FOXP4: variants seen among roughly 807,000 people sequenced by gnomAD.
The protein encoded by FOXP4 is forkhead box P4, also known as forkhead box protein P4.
FOXP4 carries 25 observed loss-of-function variants against 82.6 expected under a neutral mutation model. That is an observed-to-expected ratio of 0.30 (90% CI 0.22 to 0.42). The LOEUF is 0.42. Among genes scored for constraint, FOXP4 ranks in the 10% least tolerant of loss-of-function variants. The pLI, the probability that FOXP4 is intolerant of heterozygous loss-of-function variation, is 1.00. For synonymous variants in FOXP4, 415 were observed against 388.2 expected, an observed-to-expected ratio of 1.07 and a Z score of -0.81; for missense variants, 785 against 900.9, an observed-to-expected ratio of 0.87 and a Z score of 1.65.
chr6:41,579,067 G>A (rs1431768601), intron 3 of FOXP4, among the ~76,000 whole-genome samples: 1 of 152,134 alleles, frequency 6.6e-6, no homozygotes, highest in Non-Finnish European at 1.5e-5. Context: ...ACCAGGCTTT[G>A]TCCTGGGTGG....
chr6:41,591,737 A>G lies in FOXP4; in HGVS notation c.1536+415A>G, dbSNP rs1030932702. 1.3e-5 allele frequency among the ~76,000 whole-genome samples: 2 copies of G among 152,190 alleles called. No individual in the cohort carries two copies. Among genetic ancestry groups the G allele is most frequent in the African/African-American group, 4.8e-5 (2 of 41,446 alleles). On this transcript the variant is annotated intron_variant, in intron 13 of 16. Coordinates refer to ENST00000307972, the MANE Select transcript of FOXP4 (RefSeq NM_001012426.2). This position sits in a 1 kb window ranked among gnomAD's most constrained non-coding sequence, Gnocchi z 4.2. ...ATGTTCTGAAGCCTGAGGTGGGGCT[A>G]GGAAAGCGCAGGTATAGACACACGG...
Position 41,562,489 on chromosome 6 carries a change from G to GC in FOXP4, c.-16-3248dup, listed in dbSNP as rs575801323. Among the ~76,000 whole-genome samples, 252 of 151,698 alleles carry GC rather than the reference G, an allele frequency of 1.7e-3. 1 individual carries two copies. Among genetic ancestry groups the GC allele is most frequent in the East Asian group, 0.014 (72 of 5,166 alleles). The stretch of plus-strand genomic sequence containing the variant: ...TTGTTCACTGGGTGTTACTCTGTAT[G>GC]CCCCCCCCATAAAAAGAAAAGAAAG... On this transcript the variant is annotated intron_variant, in intron 1 of 16. Transcript: ENST00000307972.
At chr6:41,590,678 C>T (rs1438739526) in intron 12 of FOXP4, among the ~76,000 whole-genome samples, 3 of 152,170 alleles carry the variant, frequency 2.0e-5, no homozygotes, top group Non-Finnish European at 4.4e-5. Context: ...TCTTTCCTCC[C>T]TCAAGCCCAT....
chr6:41,555,478 A>G (rs1254519507), intron 1 of FOXP4, among the ~76,000 whole-genome samples: 3 of 152,202 alleles, frequency 2.0e-5, no homozygotes, highest in African/African-American at 7.2e-5. Flanking sequence ...TGGGCAGAAC[A>G]GCCAGGGGCC....
chr6:41,597,538 C>G (rs1201100794), intron 15 of FOXP4, among the ~76,000 whole-genome samples: 1 of 152,096 alleles, frequency 6.6e-6, no homozygotes, highest in Non-Finnish European at 1.5e-5. Flanking sequence ...GGGGATAAGC[C>G]AGGCCCAGGT....
chr6:41,585,631 G>T, intron 5 of FOXP4, 114 bp downstream of exon 5: 1 of 949,706 alleles, frequency 1.1e-6, no homozygotes, highest in Non-Finnish European at 1.6e-6. Flanking sequence ...TCTAGAAAAG[G>T]CTGAGGAAGG....
intron 1 of FOXP4, among the ~76,000 whole-genome samples, chr6:41,552,223 C>G (rs924999484): frequency 1.3e-5 from 2 of 152,184 alleles, no homozygotes; most frequent in African/African-American, 4.8e-5. Flanking sequence ...TGGCGGTGTA[C>G]TTCCTCCTTT....
chr6:41,592,184 C>G (rs890013410), intron 13 of FOXP4, among the ~76,000 whole-genome samples: 4 of 152,112 alleles, frequency 2.6e-5, no homozygotes, highest in Non-Finnish European at 2.9e-5. Flanking sequence ...ACTGAAGAAA[C>G]TGCAGTTAAA....
At chr6:41,572,494 G>A (rs1308642039) in intron 2 of FOXP4, among the ~76,000 whole-genome samples, 1 of 152,218 alleles carries the variant, frequency 6.6e-6, no homozygotes, top group Non-Finnish European at 1.5e-5. Context: ...TAAATTAATA[G>A]TCATGCTGTG....
In FOXP4 at chr6:41,597,851, G is replaced by T; in HGVS notation, c.1796G>T (p.Ser599Ile). The change falls in exon 16 of 17, where the codon AGC (serine) becomes ATC (isoleucine). Residue 599 changes from serine to isoleucine, a missense_variant. Coordinates refer to ENST00000307972, the MANE Select transcript of FOXP4 (RefSeq NM_001012426.2). ...ATGCTGAACCCTGGCTCCGCCAGCAGCCTGCTGCCCCTCAGCCACGATGAC... is the reference window on the plus strand; with the variant it reads ...ATGCTGAACCCTGGCTCCGCCAGCATCCTGCTGCCCCTCAGCCACGATGAC... ...PGMLNPGSASSLLPLSHDDVG... is the reference protein window; with the variant it reads ...PGMLNPGSASILLPLSHDDVG... The T allele has an allele frequency of 6.2e-7, 1 of 1,602,422 alleles. No individual in the cohort carries two copies.
chr6:41,579,145 G>A (rs1372726737), intron 3 of FOXP4, among the ~76,000 whole-genome samples: 1 of 152,088 alleles, frequency 6.6e-6, no homozygotes, highest in Non-Finnish European at 1.5e-5. Context: ...AAAGTTCAAG[G>A]TGCCCAACAG....
At chr6:41,561,571 T>TG (rs1764582378) in intron 1 of FOXP4, among the ~76,000 whole-genome samples, 1 of 151,992 alleles carries the variant, frequency 6.6e-6, no homozygotes, top group East Asian at 1.9e-4. Context: ...CCTTGGTGGC[T>TG]GGGGGAGGAG....
chr6:41,582,719 C>G (rs549489120), intron 3 of FOXP4, among the ~76,000 whole-genome samples: 11 of 128,510 alleles, frequency 8.6e-5, no homozygotes, highest in Non-Finnish European at 1.5e-4. Context: ...CTGCCTCCAA[C>G]CCCAGGCCCA....
rs1767191209 is a variant in FOXP4 at position 41,600,971 on chromosome 6, G to A, written c.*2035G>A. The A allele has an allele frequency of 6.6e-6, 1 of 152,256 alleles. No homozygotes were observed. Among genetic ancestry groups the A allele is most frequent in the Non-Finnish European group, 1.5e-5 (1 of 68,070 alleles). The allele number at this position is 152,256 out of a possible 1,614,324, so 9.4% of individuals were successfully genotyped here. A position where few individuals can be genotyped will look rare whatever the true frequency, so the allele number is the denominator to read the frequency against. On this transcript the variant is annotated 3_prime_UTR_variant, in exon 17 of 17. Coordinates refer to ENST00000307972, the MANE Select transcript of FOXP4 (RefSeq NM_001012426.2). Reference sequence around the variant, plus strand: ...AGTGTTGGAGCAAGGCAGCTGATTTGCTGCAGGGATGGAGAGGACCACCGC... The same window carrying A: ...AGTGTTGGAGCAAGGCAGCTGATTTACTGCAGGGATGGAGAGGACCACCGC...
At chr6:41,567,828 A>T (rs1302222424) in intron 2 of FOXP4, among the ~76,000 whole-genome samples, 3 of 152,200 alleles carry the variant, frequency 2.0e-5, no homozygotes, top group Admixed American at 2.0e-4. Context: ...GTTTTGGGGA[A>T]TATCCCACAG....
intron 5 of FOXP4, 35 bp from the exon 6 acceptor site, chr6:41,586,974 C>A (rs1766168613): frequency 1.3e-6 from 2 of 1,544,954 alleles, no homozygotes; most frequent in Non-Finnish European, 1.8e-6. Flanking sequence ...GCTGATGGCA[C>A]CCCTCTCTGC....
intron 14 of FOXP4, among the ~76,000 whole-genome samples, 160 bp from the exon 15 acceptor site, chr6:41,597,016 T>G (rs967995429): frequency 1.2e-4 from 18 of 151,954 alleles, no homozygotes; most frequent in African/African-American, 4.1e-4. Context: ...TCAGACCAAG[T>G]ACACACACAG....
chr6:41,595,360 G>A (rs1048280882), intron 14 of FOXP4, among the ~76,000 whole-genome samples: 13 of 151,940 alleles, frequency 8.6e-5, no homozygotes, highest in African/African-American at 1.5e-4. Flanking sequence ...CAGGGCACCC[G>A]CTCTCTCAGC....
chr6:41,555,218 C>T (rs1387564961), intron 1 of FOXP4, among the ~76,000 whole-genome samples: 1 of 152,006 alleles, frequency 6.6e-6, no homozygotes, highest in African/African-American at 2.4e-5. Context: ...TACTGCACTC[C>T]AGTCTGAGCG....
Sources: allele counts gnomAD v4.1 joint callset (sites outside exome capture counted in the v4.1 genomes callset), GRCh38; gene constraint gnomAD v4.1.1; non-coding constraint Gnocchi (gnomAD v3.1); transcripts MANE v1.5; gene names NCBI Gene and HGNC (gene_info 2026-07-23, HGNC 2026-07-21).